Variants in WNT3 observed in about 807,000 individuals in gnomAD.
WNT3 encodes Wnt family member 3.
In WNT3, 7 loss-of-function variants were observed where a neutral mutation model predicts 34.2. The observed-to-expected ratio is 0.20, with a 90% CI of 0.12 to 0.38. WNT3 has a LOEUF of 0.38. Ranked by LOEUF, WNT3 falls within the 10% of genes least tolerant of loss-of-function variation. The probability of loss-of-function intolerance (pLI) is 1.00; values close to 1 mark genes in which losing one functional copy is unlikely to be tolerated. For missense variants in WNT3, 267 were observed against 499.8 expected (o/e 0.53, Z 4.44); for synonymous variants, 212 against 211.5 (o/e 1.00, Z -0.02).
At chr17:46,766,146 C>A (rs1478984254) in intron 4 of WNT3, among the ~76,000 whole-genome samples, 1 of 152,180 alleles carries the variant, frequency 6.6e-6, no homozygotes, top group Non-Finnish European at 1.5e-5. Flanking sequence ...CGGTGGCTCA[C>A]GCCTGTAATC....
intron 1 of WNT3, among the ~76,000 whole-genome samples, chr17:46,776,259 T>A (rs1598762386): frequency 6.6e-6 from 1 of 152,310 alleles, no homozygotes; most frequent in Non-Finnish European, 1.5e-5. Context: ...TGGGCCTCCA[T>A]ACTGAGCACA....
At position 46,770,095 on chromosome 17, in the gene WNT3, G is replaced by T. The variant is rs1378468433; in HGVS notation, c.323-47C>A. On this transcript the variant is annotated intron_variant, in intron 2 of 4. Transcript: ENST00000225512. ...GCAGCACTCAGGACCCGGCCTGGGA[G>T]CGCCTGCCCTGCCTCCACCTCCCAG... 12 of 1,498,920 alleles carry T rather than the reference G, an allele frequency of 8.0e-6. No individual in the cohort carries two copies. In the South Asian group the frequency reaches 1.6e-4, roughly 19 times the overall value. 92.9% of individuals were successfully genotyped at this position (1,498,920 alleles called of 1,614,324 possible).
At chr17:46,806,242 G>A (rs1423970227) in intron 1 of WNT3, among the ~76,000 whole-genome samples, 3 of 68,384 alleles carry the variant, frequency 4.4e-5, no homozygotes, top group South Asian at 8.7e-4. Flanking sequence ...ACAGAGTTTC[G>A]CTTTTATTGC....
chr17:46,806,934 G>A (rs1196373187), intron 1 of WNT3, among the ~76,000 whole-genome samples: 1 of 152,186 alleles, frequency 6.6e-6, no homozygotes, highest in Admixed American at 6.5e-5. Flanking sequence ...GTGCTACCTG[G>A]GCACTCCGTC....
At chr17:46,779,665 A>C (rs2059443642) in intron 1 of WNT3, among the ~76,000 whole-genome samples, 1 of 152,152 alleles carries the variant, frequency 6.6e-6, no homozygotes, top group Non-Finnish European at 1.5e-5. Context: ...TCTAACTCCC[A>C]TCCCCACCCC....
At chr17:46,788,253 T>C (rs78762145) in intron 1 of WNT3, among the ~76,000 whole-genome samples, 324 of 152,344 alleles carry the variant, frequency 2.1e-3, no homozygotes, top group African/African-American at 7.5e-3. Flanking sequence ...CTAAGCCATG[T>C]TTGCATCTTT....
At chr17:46,792,303 A>G (rs2083997922) in intron 1 of WNT3, among the ~76,000 whole-genome samples, 1 of 152,174 alleles carries the variant, frequency 6.6e-6, no homozygotes. Context: ...CAGGCTGTGA[A>G]TGAAATAAAG....
At chr17:46,777,076 G>A (rs948458110) in intron 1 of WNT3, among the ~76,000 whole-genome samples, 6 of 152,210 alleles carry the variant, frequency 3.9e-5, no homozygotes, top group Non-Finnish European at 5.9e-5. Context: ...CATGCCAGGT[G>A]GCTCACGCCT....
intron 1 of WNT3, among the ~76,000 whole-genome samples, chr17:46,785,824 T>G (rs2059499753): frequency 6.6e-6 from 1 of 151,012 alleles, no homozygotes; most frequent in Admixed American, 6.6e-5. Flanking sequence ...CCCTGTGGGA[T>G]GTTTCTTTGG....
chr17:46,782,389 C>T (rs888006282), intron 1 of WNT3, among the ~76,000 whole-genome samples: 1 of 152,148 alleles, frequency 6.6e-6, no homozygotes, highest in Non-Finnish European at 1.5e-5. Flanking sequence ...CTGTCAACCC[C>T]ACAACAGGCC....
intron 1 of WNT3, among the ~76,000 whole-genome samples, chr17:46,816,475 GCACACACACACACACACACA>G (rs113581876): frequency 4.2e-5 from 6 of 144,244 alleles, no homozygotes; most frequent in East Asian, 4.3e-4. Flanking sequence ...CAGAACACAC[GCACACACACACACACACACA>G]CACACACACA....
At chr17:46,810,066 G>GTGCAATC (rs1337024109) in intron 1 of WNT3, among the ~76,000 whole-genome samples, 1 of 149,778 alleles carries the variant, frequency 6.7e-6, no homozygotes, top group Non-Finnish European at 1.5e-5. Flanking sequence ...GAAGGCAGTG[G>GTGCAATC]TGCAATCTCG....
chr17:46,786,193 G>A (rs2146412224), intron 1 of WNT3, among the ~76,000 whole-genome samples: 1 of 152,150 alleles, frequency 6.6e-6, no homozygotes, highest in South Asian at 2.1e-4. Flanking sequence ...TGGGACCTGG[G>A]GAGGAGGAAA....
At chr17:46,796,323 G>A (rs1265399545) in intron 1 of WNT3, among the ~76,000 whole-genome samples, 1 of 152,216 alleles carries the variant, frequency 6.6e-6, no homozygotes, top group African/African-American at 2.4e-5. Flanking sequence ...ATAAAGACCA[G>A]TGACATCCTC....
intron 4 of WNT3, among the ~76,000 whole-genome samples, chr17:46,767,041 T>C (rs2059319796): frequency 1.3e-5 from 2 of 151,954 alleles, no homozygotes; most frequent in African/African-American, 4.8e-5. Context: ...CCAACACCCA[T>C]GCTCATGCCT....
intron 2 of WNT3, among the ~76,000 whole-genome samples, chr17:46,772,808 G>C (rs565712268): frequency 4.3e-4 from 58 of 135,422 alleles, no homozygotes; most frequent in Non-Finnish European, 7.3e-4. Context: ...CTGAACGTCA[G>C]ATCCCTTTTC....
chr17:46,811,347 G>A (rs1484155581), intron 1 of WNT3, among the ~76,000 whole-genome samples: 6 of 152,174 alleles, frequency 3.9e-5, no homozygotes, highest in Admixed American at 6.5e-5. Context: ...TCCTGTCAAT[G>A]GCGCGGAAGT....
At chr17:46,779,329 A>G (rs1010160388) in intron 1 of WNT3, among the ~76,000 whole-genome samples, 1 of 152,328 alleles carries the variant, frequency 6.6e-6, no homozygotes, top group South Asian at 2.1e-4. Flanking sequence ...CAAGGGGGAT[A>G]GAGACCTGCC....
intron 2 of WNT3, among the ~76,000 whole-genome samples, chr17:46,773,424 C>T (rs2059390261): frequency 6.6e-6 from 1 of 152,140 alleles, no homozygotes; most frequent in South Asian, 2.1e-4. Context: ...TGTGCAAAAG[C>T]CAGGAAGGAA....
Sources: gnomAD v4.1 joint callset for allele counts (sites outside exome capture counted in the v4.1 genomes callset) on GRCh38, gnomAD v4.1.1 for gene constraint, MANE v1.5 for transcripts, NCBI Gene and HGNC (gene_info 2026-07-23, HGNC 2026-07-21) for gene names.